SPSB3: variants seen among roughly 807,000 people sequenced by gnomAD.
SPSB3 encodes the protein splA/ryanodine receptor domain and SOCS box containing 3, also known as SPRY domain-containing SOCS box protein 3.
SPSB3 carries 18 observed loss-of-function variants against 29.5 expected under a neutral mutation model. The observed-to-expected ratio is 0.61, with a 90% CI of 0.42 to 0.91. SPSB3 has a LOEUF of 0.91. SPSB3 is among the 40% of genes least tolerant of loss of function. The pLI is 0.00. For synonymous variants in SPSB3, 299 were observed against 214.1 expected (o/e 1.40, Z -3.46); for missense variants, 540 against 507.5 (o/e 1.06, Z -0.61).
At position 1,777,933 on chromosome 16, in the gene SPSB3, G is replaced by A. The variant is rs772367762; in HGVS notation, c.595+13C>T. 5 of 1,612,418 alleles carry A rather than the reference G, an allele frequency of 3.1e-6. No individual in the cohort carries two copies. The highest frequency in any genetic ancestry group is 1.7e-4 in the Middle Eastern group (1 of 6,054). On this transcript the variant is annotated intron_variant, in intron 5 of 6. Transcript: ENST00000566339. ...TCCAGGCTCGGCCCCGCCCCACCCT[G>A]GGCCTCACGCACCCGTGTAGGAGAG...
intron 2 of SPSB3, 68 bp downstream of exon 2, chr16:1,781,290 C>CT: frequency 6.2e-7 from 1 of 1,612,020 alleles, no homozygotes; most frequent in South Asian, 1.1e-5. Context: ...CAGGTAATGT[C>CT]TGCCTGCCTG....
chr16:1,778,396 C>T lies in SPSB3; in HGVS notation c.304+39G>A, dbSNP rs533566196. On this transcript the variant is annotated intron_variant, in intron 3 of 6. Transcript: ENST00000566339. The stretch of plus-strand genomic sequence containing the variant: ...TGCCCTGCCCACCCCCAGGCCCGCC[C>T]GCAGTGCAGTCCCAGCAGGGGCTGG... The T allele has an allele frequency of 2.7e-5, 43 of 1,606,354 alleles. 1 individual carries two copies. Among genetic ancestry groups the T allele is most frequent in the South Asian group, 2.2e-4 (20 of 90,726 alleles).
Position 1,777,827 on chromosome 16 carries a change from A to C in SPSB3, c.641T>G (p.Phe214Cys), listed in dbSNP as rs761849575. ...CACGCCAATGATGGAGCCCTGGCCG[A>C]ACCGCGATGAGAAGCTGGTCTTGTC... Reference protein sequence around the residue: ...KGDKTSFSSRFGQGSIIGVHL... With the variant: ...KGDKTSFSSRCGQGSIIGVHL... Residue 214 changes from phenylalanine (F) to cysteine (C), a missense_variant, in exon 6 of 7, where the codon TTC (phenylalanine) becomes TGC (cysteine). Physicochemically the swap from Phe to Cys is radical, Grantham distance 205 (BLOSUM62 -2). Transcript: ENST00000566339. 6.2e-7 allele frequency: 1 copy of C among 1,612,862 alleles called. No homozygotes were observed. Among genetic ancestry groups the C allele is most frequent in the East Asian group, 2.2e-5 (1 of 44,860 alleles).
chr16:1,777,335 AG>A lies in SPSB3; in HGVS notation c.829del (p.Leu277SerfsTer41), dbSNP rs1314302176. 6.2e-7 allele frequency: 1 copy of A among 1,608,748 alleles called. No homozygotes were observed. Among genetic ancestry groups the A allele is most frequent in the Admixed American group, 1.7e-5 (1 of 59,960 alleles). On this transcript the variant is annotated frameshift_variant, in exon 7 of 7. Transcript: ENST00000566339. LOFTEE classifies it high-confidence loss of function. ...VTRSCASATS[L>X]QYLCCHRLRQ... is the part of the protein sequence containing the mutation. ...CAGGCGGTGGCAGCACAGGTACTGG[AG>A]GGAAGTGGCGCTGGCACAGGAGCGG...
Position 1,781,425 on chromosome 16 carries a change from C to T in SPSB3, c.59G>A (p.Arg20Gln), listed in dbSNP as rs1249753021. The T allele has an allele frequency of 1.9e-6, 3 of 1,612,712 alleles. No individual in the cohort carries two copies. Among genetic ancestry groups the T allele is most frequent in the South Asian group, 1.1e-5 (1 of 91,092 alleles). The change falls in exon 2 of 7, where the codon CGA becomes CAA. Residue 20 changes from arginine (R) to glutamine (Q), a missense_variant. Transcript: ENST00000566339. Reference sequence around the variant, plus strand: ...AGCCACGGCCCGGGCATCTGCGTCTCGGCGGGCTGCACTCAGGACGAAGTG... The same window carrying T: ...AGCCACGGCCCGGGCATCTGCGTCTTGGCGGGCTGCACTCAGGACGAAGTG... Reference protein sequence around the residue: ...AWHFVLSAARRDADARAVALA... With the variant: ...AWHFVLSAARQDADARAVALA...
intron 2 of SPSB3, chr16:1,780,156 G>A (rs998563182): frequency 3.9e-5 from 6 of 152,270 alleles, no homozygotes; most frequent in African/African-American, 1.4e-4. Context: ...GGTGACAGAG[G>A]ACAAGCAGCA....
intron 2 of SPSB3, chr16:1,780,889 C>T (rs552620733): frequency 9.6e-5 from 32 of 334,450 alleles, no homozygotes; most frequent in South Asian, 2.1e-4. Context: ...CGTGCCACCA[C>T]GCCTGACACA....
Position 1,777,703 on chromosome 16 carries a change from C to A in SPSB3, c.721+44G>T, listed in dbSNP as rs558395744. The A allele has an allele frequency of 3.1e-6, 5 of 1,602,282 alleles. No individual in the cohort carries two copies. In the African/African-American group the frequency reaches 4.0e-5, roughly 13 times the overall value. On this transcript the variant is annotated intron_variant, in intron 6 of 6. Coordinates refer to ENST00000566339, the MANE Select transcript of SPSB3 (RefSeq NM_080861.4). Reference sequence around the variant, plus strand: ...GCTGGGGCGGGGTGGCTGCCTCCCTCGGGGTGACAGCTGAGAGGAGCTCAA... The same window carrying A: ...GCTGGGGCGGGGTGGCTGCCTCCCTAGGGGTGACAGCTGAGAGGAGCTCAA...
chr16:1,777,760 G>A lies in SPSB3; in HGVS notation c.708C>T (p.Asn236=). The A allele has an allele frequency of 6.2e-7, 1 of 1,612,590 alleles. No homozygotes were observed. Among genetic ancestry groups the A allele is most frequent in the South Asian group, 1.1e-5 (1 of 91,042 alleles). ...TGACGGCCTCACCTATACACTTCCTGTTCTTGAAAAAGGTGAGTGTGCCGT... is the reference window on the plus strand; with the variant it reads ...TGACGGCCTCACCTATACACTTCCTATTCTTGAAAAAGGTGAGTGTGCCGT... The part of the protein sequence containing the change: ...TWHGTLTFFK[N]RKCIGVAATK... Residue 236 remains asparagine (N), a synonymous_variant, in exon 6 of 7, where the codon AAC becomes AAT. Coordinates refer to ENST00000566339, the MANE Select transcript of SPSB3 (RefSeq NM_080861.4).
chr16:1,781,500 A>G lies in SPSB3; in HGVS notation c.-12-5T>C, dbSNP rs772495491. ...TCTGGCCATGGTGGAAAGAATCTAG[A>G]AGAAAACACAGGCTCTGGGCAAAGG... On this transcript the variant is annotated splice_polypyrimidine_tract_variant and splice_region_variant and intron_variant, in intron 1 of 6. Coordinates refer to ENST00000566339, the MANE Select transcript of SPSB3 (RefSeq NM_080861.4). 2 of 1,610,474 alleles carry G rather than the reference A, an allele frequency of 1.2e-6. No individual in the cohort carries two copies. The highest frequency in any genetic ancestry group is 1.1e-5 in the South Asian group (1 of 90,964).
In SPSB3 at chr16:1,777,216, G is replaced by A. The variant is rs569814895; in HGVS notation, c.949C>T (p.Leu317=). Residue 317 remains leucine (L), a synonymous_variant, in exon 7 of 7, where the codon CTG becomes TTG. Coordinates refer to ENST00000566339, the MANE Select transcript of SPSB3 (RefSeq NM_080861.4). ...QVLHNKLGWV[L]SMSCSRRKAP... is the part of the protein sequence containing the mutation. The stretch of plus-strand genomic sequence containing the variant: ...TTGCGGCGGCTGCAACTCATGCTCA[G>A]GACCCAGCCCAGCTTGTTGTGTAGC... 74 of 1,610,638 alleles carry A rather than the reference G, an allele frequency of 4.6e-5. No individual in the cohort carries two copies. Among genetic ancestry groups the A allele is most frequent in the Middle Eastern group, 1.7e-4 (1 of 6,058 alleles).
chr16:1,778,648 C>G, intron 2 of SPSB3, 36 bp from the exon 3 acceptor site: 1 of 1,519,936 alleles, frequency 6.6e-7, no homozygotes, highest in South Asian at 1.3e-5. Flanking sequence ...TACCTGTTGC[C>G]CGCTCTCTAC....
In SPSB3 at chr16:1,778,139, C is replaced by T. The variant is rs756258686; in HGVS notation, c.487G>A (p.Asp163Asn). 7 of 1,612,634 alleles carry T rather than the reference C, an allele frequency of 4.3e-6. No homozygotes were observed. Among genetic ancestry groups the T allele is most frequent in the South Asian group, 1.1e-5 (1 of 91,066 alleles). ...IKMTSPVYGTDMMVGIGTSDV... is the reference protein window; with the variant it reads ...IKMTSPVYGTNMMVGIGTSDV... ...CCTGGGCCGAAGCAACTTACCATGT[C>T]GGTGCCGTAGACGGGAGAGGTCATC... The change falls in exon 4 of 7, where the codon GAC becomes AAC. Residue 163 changes from aspartate to asparagine, a missense_variant. Transcript: ENST00000566339.
chr16:1,778,301 C>T lies in SPSB3; in HGVS notation c.325G>A (p.Asp109Asn), dbSNP rs1342481938. The T allele has an allele frequency of 7.4e-6, 12 of 1,612,460 alleles. No individual in the cohort carries two copies. Among genetic ancestry groups the T allele is most frequent in the South Asian group, 2.2e-5 (2 of 91,040 alleles). Residue 109 changes from aspartate (D) to asparagine (N), a missense_variant, in exon 4 of 7, where the codon GAC (aspartate) becomes AAC (asparagine). Transcript: ENST00000566339. Reference sequence around the variant, plus strand: ...AGGGTGGCTGATGACTTATTTAAGTCATCCCAGACCCAGTCGAAATCTGCA... The same window carrying T: ...AGGGTGGCTGATGACTTATTTAAGTTATCCCAGACCCAGTCGAAATCTGCA... ...EDEYFDWVWD[D>N]LNKSSATLLS... is the part of the protein sequence containing the mutation.
chr16:1,778,927 G>C (rs974509875), intron 2 of SPSB3: 1 of 278,064 alleles, frequency 3.6e-6, no homozygotes, highest in Non-Finnish European at 6.7e-6. Flanking sequence ...AGCTGAGATG[G>C]TGTGGACACC....
intron 3 of SPSB3, 25 bp from the exon 4 acceptor site, chr16:1,778,346 C>A (rs958273887): frequency 6.2e-7 from 1 of 1,611,318 alleles, no homozygotes; most frequent in Non-Finnish European, 8.5e-7. Flanking sequence ...CAGGCTGGGG[C>A]AGCCCTGAGA....
At chr16:1,777,627 G>T in intron 6 of SPSB3, 120 bp downstream of exon 6, 1 of 1,503,548 alleles carries the variant, frequency 6.7e-7, no homozygotes, top group Admixed American at 1.9e-5. Context: ...GGGACCCTGG[G>T]GCCTCAGGCT....
chr16:1,781,683 G>A (rs1399734293), intron 1 of SPSB3, 188 bp from the exon 2 acceptor site: 6 of 608,154 alleles, frequency 9.9e-6, no homozygotes, highest in Non-Finnish European at 1.7e-5. Context: ...TAAAACCCAG[G>A]TAGATCCTGT....
chr16:1,782,517 C>G lies in SPSB3; in HGVS notation c.-28G>C, dbSNP rs991387749. The G allele has an allele frequency of 1.3e-5, 2 of 153,036 alleles. No homozygotes were observed. The highest frequency in any genetic ancestry group is 4.8e-5 in the African/African-American group (2 of 41,488). 9.5% of individuals were successfully genotyped at this position (153,036 alleles called of 1,614,324 possible). ...CGCCACTCACCTGCAGCCCCCGCTG[C>G]GCGCTCCGCCGGCCCGGCCCTGACC... On this transcript the variant is annotated 5_prime_UTR_variant, in exon 1 of 7. Coordinates refer to ENST00000566339, the MANE Select transcript of SPSB3 (RefSeq NM_080861.4).
Sources: gnomAD v4.1 joint callset for allele counts on GRCh38, gnomAD v4.1.1 for gene constraint, MANE v1.5 for transcripts, NCBI Gene and HGNC (gene_info 2026-07-23, HGNC 2026-07-21) for gene names.